GALNT13: variants seen among roughly 807,000 people sequenced by gnomAD.
GALNT13 encodes polypeptide N-acetylgalactosaminyltransferase 13.
A neutral mutation model predicts 64.2 loss-of-function variants in GALNT13; 28 were observed. The observed-to-expected ratio is 0.44, with a 90% CI of 0.32 to 0.60. The LOEUF (loss-of-function observed/expected upper bound fraction) is 0.60. GALNT13 is among the 20% of genes least tolerant of loss of function. The pLI, the probability that GALNT13 is intolerant of heterozygous loss-of-function variation, is 0.05. For missense variants in GALNT13, 577 were observed against 669.8 expected (o/e 0.86, Z 1.53); for synonymous variants, 214 against 224.6 (o/e 0.95, Z 0.42).
chr2:154,396,180 G>A lies in GALNT13; in HGVS notation c.1296+50G>A, dbSNP rs375387917. The A allele has an allele frequency of 5.2e-6, 7 of 1,336,518 alleles. No homozygotes were observed. The African/African-American group carries it at 9.0e-5, about 17-fold the overall frequency. The allele number at this position is 1,336,518 out of a possible 1,614,324, so 82.8% of individuals were successfully genotyped here. ...GTTATAAATATATTTTGCAAATGGAGCAATTTCTAAGGAGCTCAGTATTTT... is the reference window on the plus strand; with the variant it reads ...GTTATAAATATATTTTGCAAATGGAACAATTTCTAAGGAGCTCAGTATTTT... On this transcript the variant is annotated intron_variant, in intron 10 of 12. Coordinates refer to ENST00000392825, the MANE Select transcript of GALNT13 (RefSeq NM_052917.4).
At position 154,259,043 on chromosome 2, in the gene GALNT13, C is replaced by T; in HGVS notation, c.880C>T (p.Leu294=). Residue 294 remains leucine (L), a synonymous_variant, in exon 8 of 13, where the codon CTA becomes TTA. Transcript: ENST00000392825. ...TAGGACCCCTACTATGGCTGGTGGC[C>T]TATTTTCTATTGACAGAAACTACTT... ...PVRTPTMAGG[L]FSIDRNYFEE... 2.5e-6 allele frequency: 4 copies of T among 1,601,068 alleles called. No individual in the cohort carries two copies. The highest frequency in any genetic ancestry group is 2.2e-5 in the East Asian group (1 of 44,602).
At chr2:153,636,028 G>A in the GALNT13 span, among the ~76,000 whole-genome samples, 2 of 152,064 alleles carry the variant, frequency 1.3e-5, no homozygotes, top group Admixed American at 6.6e-5. Context: ...AGGAAATTCC[G>A]AACTCCATGC....
chr2:154,382,918 T>C (rs1209962760), intron 9 of GALNT13, among the ~76,000 whole-genome samples: 4 of 151,850 alleles, frequency 2.6e-5, no homozygotes, highest in African/African-American at 7.3e-5. Context: ...GGTACAGAAA[T>C]GTAGATAGGA....
chr2:154,124,379 T>G (rs771878563), intron 3 of GALNT13, among the ~76,000 whole-genome samples: 39 of 152,086 alleles, frequency 2.6e-4, no homozygotes, highest in Admixed American at 2.0e-3. Flanking sequence ...TAAATTACTC[T>G]GATGTAGCAA....
At chr2:153,257,876 T>C in the GALNT13 span, among the ~76,000 whole-genome samples, 1 of 152,218 alleles carries the variant, frequency 6.6e-6, no homozygotes, top group Non-Finnish European at 1.5e-5. Flanking sequence ...GTGTGCTTTC[T>C]TTAATGAATC....
At chr2:153,385,883 C>T in the GALNT13 span, among the ~76,000 whole-genome samples, 1 of 106,952 alleles carries the variant, frequency 9.3e-6, no homozygotes, top group East Asian at 2.2e-4. Flanking sequence ...ATAAAATATC[C>T]TCTTGATGTG....
At chr2:154,033,949 G>A (rs1698501350) in intron 3 of GALNT13, among the ~76,000 whole-genome samples, 2 of 151,896 alleles carry the variant, frequency 1.3e-5, no homozygotes, top group African/African-American at 4.8e-5. Flanking sequence ...AAAAAAACAA[G>A]CAAACAAACA....
chr2:153,401,357 A>G, the GALNT13 span, among the ~76,000 whole-genome samples: 5 of 151,914 alleles, frequency 3.3e-5, no homozygotes, highest in South Asian at 2.1e-4. Flanking sequence ...TAAGTGGTCA[A>G]TTTTGGAATA....
the GALNT13 span, among the ~76,000 whole-genome samples, chr2:153,624,202 T>C: frequency 3.9e-5 from 6 of 152,112 alleles, no homozygotes. Context: ...TGATTCCTTA[T>C]GTCTTACTTG....
chr2:154,329,252 C>T (rs1695039685), intron 9 of GALNT13, among the ~76,000 whole-genome samples: 1 of 152,056 alleles, frequency 6.6e-6, no homozygotes, highest in Non-Finnish European at 1.5e-5. Context: ...ACTACAGGTG[C>T]TTGCCACAAT....
At chr2:154,100,892 T>C (rs1702313224) in intron 3 of GALNT13, among the ~76,000 whole-genome samples, 1 of 152,112 alleles carries the variant, frequency 6.6e-6, no homozygotes, top group South Asian at 2.1e-4. Flanking sequence ...ATGCCTAGTT[T>C]GTTGAGAGTT....
intron 3 of GALNT13, among the ~76,000 whole-genome samples, chr2:154,068,102 C>G (rs1700561663): frequency 6.6e-6 from 1 of 151,948 alleles, no homozygotes; most frequent in South Asian, 2.1e-4. Context: ...CAAACAAGTA[C>G]ATGAAAAGCT....
intron 2 of GALNT13, among the ~76,000 whole-genome samples, chr2:153,919,046 T>C (rs1393670850): frequency 6.6e-6 from 1 of 152,158 alleles, no homozygotes; most frequent in Non-Finnish European, 1.5e-5. Context: ...TTTTGTACTA[T>C]TGATCATTCA....
chr2:154,421,834 A>G (rs1336452393), intron 11 of GALNT13, among the ~76,000 whole-genome samples: 1 of 152,126 alleles, frequency 6.6e-6, no homozygotes, highest in African/African-American at 2.4e-5. Flanking sequence ...GTTTAAATCC[A>G]CTTTGAAACA....
At chr2:153,989,726 AT>A (rs1695036771) in intron 3 of GALNT13, among the ~76,000 whole-genome samples, 1 of 152,098 alleles carries the variant, frequency 6.6e-6, no homozygotes, top group South Asian at 2.1e-4. Flanking sequence ...CAGCAGTCAA[AT>A]ATGCACGTTC....
the GALNT13 span, among the ~76,000 whole-genome samples, chr2:153,612,179 T>C: frequency 5.3e-5 from 8 of 152,212 alleles, 1 homozygote; most frequent in South Asian, 1.0e-3. Flanking sequence ...CATTAAAAAG[T>C]CAGGAAACAA....
intron 11 of GALNT13, among the ~76,000 whole-genome samples, chr2:154,421,523 T>C (rs1700249933): frequency 1.3e-5 from 2 of 152,100 alleles, no homozygotes; most frequent in South Asian, 4.1e-4. Context: ...ATACTCATGA[T>C]GTCAAAAAGG....
chr2:153,336,833 G>C, the GALNT13 span, among the ~76,000 whole-genome samples: 1 of 152,154 alleles, frequency 6.6e-6, no homozygotes, highest in African/African-American at 2.4e-5. Flanking sequence ...AGCTTGAATT[G>C]TGTCTCCCAG....
chr2:153,772,589 CT>C, the GALNT13 span, among the ~76,000 whole-genome samples: 1 of 152,196 alleles, frequency 6.6e-6, no homozygotes, highest in Non-Finnish European at 1.5e-5. Context: ...AAGAGTTTAT[CT>C]TTATGCACTG....
Sources: allele counts gnomAD v4.1 joint callset (sites outside exome capture counted in the v4.1 genomes callset), GRCh38; gene constraint gnomAD v4.1.1; transcripts MANE v1.5; gene names NCBI Gene and HGNC (gene_info 2026-07-23, HGNC 2026-07-21).